PIGT: variants seen among roughly 807,000 people sequenced by gnomAD.
The protein encoded by PIGT is phosphatidylinositol glycan anchor biosynthesis class T, also known as GPI-anchor transamidase component PIGT.
In PIGT, 57 loss-of-function variants were observed where a neutral mutation model predicts 66.7. The observed-to-expected ratio is 0.86, with a 90% CI of 0.69 to 1.07. The LOEUF (loss-of-function observed/expected upper bound fraction) is 1.07, where lower values mean the gene tolerates loss of function less well. Ranked by LOEUF, PIGT falls within the 50% of genes least tolerant of loss-of-function variation. The pLI, the probability that PIGT is intolerant of heterozygous loss-of-function variation, is 0.00. For missense variants in PIGT, 725 were observed against 740.4 expected, an observed-to-expected ratio of 0.98 and a Z score of 0.24; for synonymous variants, 362 against 320.5, an observed-to-expected ratio of 1.13 and a Z score of -1.38.
chr20:45,419,923 C>T, intron 5 of PIGT: 1 of 605,296 alleles, frequency 1.7e-6, no homozygotes, highest in Non-Finnish European at 2.9e-6. Flanking sequence ...GTAGAATCCA[C>T]TCCTAGGGTT....
At chr20:45,424,440 A>C in intron 10 of PIGT, 56 bp from the exon 11 acceptor site, 1 of 1,612,800 alleles carries the variant, frequency 6.2e-7, no homozygotes, top group Middle Eastern at 1.7e-4. Flanking sequence ...TCTGCTGCTT[A>C]CCCCTTGATA....
At position 45,425,926 on chromosome 20, in the gene PIGT, C is replaced by T; in HGVS notation, c.*100C>T. 1.4e-6 allele frequency: 2 copies of T among 1,382,244 alleles called. No individual in the cohort carries two copies. The highest frequency in any genetic ancestry group is 1.9e-6 in the Non-Finnish European group (2 of 1,027,146). 85.6% of individuals were successfully genotyped at this position (1,382,244 alleles called of 1,614,324 possible). ...GCTCTCCTCAGAGTTGGCTTTTGAACCAAAGTGCCCTGGACCAGGTCAGGG... is the reference window on the plus strand; with the variant it reads ...GCTCTCCTCAGAGTTGGCTTTTGAATCAAAGTGCCCTGGACCAGGTCAGGG... On this transcript the variant is annotated 3_prime_UTR_variant, in exon 12 of 12. Transcript: ENST00000279036.
chr20:45,416,190 C>CTGT lies in PIGT; in HGVS notation c.37_39dup (p.Leu15dup). On this transcript the variant is annotated inframe_insertion, in exon 1 of 12. Coordinates refer to ENST00000279036, the MANE Select transcript of PIGT (RefSeq NM_015937.6). ...GGCTATGCCGCTTGCTCTGCTCGTCCTGTTGCTCCTGGGGCCCGGCGGCTG... is the reference window on the plus strand; with the variant it reads ...GGCTATGCCGCTTGCTCTGCTCGTCCTGTTGTTGCTCCTGGGGCCCGGCGGCTG... 30 of 1,587,366 alleles carry CTGT rather than the reference C, an allele frequency of 1.9e-5. No individual in the cohort carries two copies. Among genetic ancestry groups the CTGT allele is most frequent in the Non-Finnish European group, 2.6e-5 (30 of 1,168,078 alleles).
rs1479129399 is a variant in PIGT, at chr20:45,421,413, A to C, written c.1064A>C (p.Gln355Pro). 1 of 1,614,126 alleles carries C rather than the reference A, an allele frequency of 6.2e-7. No individual in the cohort carries two copies. The highest frequency in any genetic ancestry group is 8.5e-7 in the Non-Finnish European group (1 of 1,179,988). ...EAPPVPFLHA[Q>P]RYVSGYGLQK... ...CCCCCAGTGCCCTTCCTGCATGCCCAGCGGTACGTGAGTGGCTATGGGCTG... is the reference window on the plus strand; with the variant it reads ...CCCCCAGTGCCCTTCCTGCATGCCCCGCGGTACGTGAGTGGCTATGGGCTG... Residue 355 changes from glutamine to proline, a missense_variant, in exon 9 of 12, where the codon CAG (glutamine) becomes CCG (proline). By Grantham distance (76) the Gln-to-Pro change is moderately conservative. Coordinates refer to ENST00000279036, the MANE Select transcript of PIGT (RefSeq NM_015937.6).
intron 4 of PIGT, 41 bp from the exon 5 acceptor site, chr20:45,419,463 C>T (rs752531067): frequency 6.2e-7 from 1 of 1,611,962 alleles, no homozygotes; most frequent in Non-Finnish European, 8.5e-7. Context: ...ATGCCAAGTG[C>T]TCCATACAGG....
In PIGT at chr20:45,425,896, C is replaced by G; in HGVS notation, c.*70C>G. 6.5e-7 allele frequency: 1 copy of G among 1,543,792 alleles called. No homozygotes were observed. The highest frequency in any genetic ancestry group is 8.7e-7 in the Non-Finnish European group (1 of 1,143,138). On this transcript the variant is annotated 3_prime_UTR_variant, in exon 12 of 12. Transcript: ENST00000279036. ...AGGGGAGCCCAAGGGCTGTTTCTGC[C>G]ACTTGCTCTCCTCAGAGTTGGCTTT...
At chr20:45,422,239 T>C (rs1990409966) in intron 9 of PIGT, 2 of 152,110 alleles carry the variant, frequency 1.3e-5, no homozygotes, top group Admixed American at 1.3e-4. Context: ...CTTTAGTTGA[T>C]TCCTATATTT....
chr20:45,420,895 A>G, intron 8 of PIGT: 1 of 607,578 alleles, frequency 1.6e-6, no homozygotes, highest in Non-Finnish European at 3.0e-6. Context: ...CATCTGAAAA[A>G]TAGAGTATAC....
Position 45,425,707 on chromosome 20 carries a change from T to C in PIGT, c.1618T>C (p.Tyr540His), listed in dbSNP as rs150108897. ...CLTCTVVAVC[Y>H]GSFYNLLTRT... ...CACGTGCACTGTGGTGGCCGTGTGCTATGGCTCCTTCTACAATCTCCTCAC... is the reference window on the plus strand; with the variant it reads ...CACGTGCACTGTGGTGGCCGTGTGCCATGGCTCCTTCTACAATCTCCTCAC... Residue 540 changes from tyrosine (Y) to histidine (H), a missense_variant, in exon 12 of 12, where the codon TAT becomes CAT. Tyr to His is a moderately conservative substitution (Grantham distance 83). This residue lies in a region of PIGT where 162 missense variants were observed against 171.1 expected (regional missense o/e 0.95). Transcript: ENST00000279036. The C allele has an allele frequency of 6.2e-7, 1 of 1,614,050 alleles. No individual in the cohort carries two copies. The highest frequency in any genetic ancestry group is 1.3e-5 in the African/African-American group (1 of 74,938).
Position 45,416,550 on chromosome 20 carries a change from G to T in PIGT, c.221G>T (p.Gly74Val), listed in dbSNP as rs137946450. ...TACAGGCTCTTTCCCAAAGCCCTGG[G>T]GCAGCTGATCTCCAAGTATTCTCTA... is the stretch of plus-strand genomic sequence containing the variant. ...SHYRLFPKALGQLISKYSLRE... is the reference protein window; with the variant it reads ...SHYRLFPKALVQLISKYSLRE... The change falls in exon 2 of 12, where the codon GGG becomes GTG. Residue 74 changes from glycine (G) to valine (V), a missense_variant. Gly to Val is a moderately radical substitution (Grantham distance 109, BLOSUM62 -3). Coordinates refer to ENST00000279036, the MANE Select transcript of PIGT (RefSeq NM_015937.6). 194 of 1,614,052 alleles carry T rather than the reference G, an allele frequency of 1.2e-4. No homozygotes were observed. Among genetic ancestry groups the T allele is most frequent in the Non-Finnish European group, 1.6e-4 (192 of 1,180,010 alleles).
At chr20:45,419,009 T>A (rs1990167422) in intron 3 of PIGT, 30 bp downstream of exon 3, 3 of 1,613,626 alleles carry the variant, frequency 1.9e-6, no homozygotes, top group Non-Finnish European at 2.5e-6. Flanking sequence ...CCTTTCCTTC[T>A]TCCTCTTACC....
At chr20:45,422,939 G>A (rs929030145) in intron 9 of PIGT, 1 of 151,952 alleles carries the variant, frequency 6.6e-6, no homozygotes, top group African/African-American at 2.4e-5. Context: ...GGGCACAGTG[G>A]TGCACACCTG....
chr20:45,425,387 C>CA, intron 11 of PIGT, 187 bp from the exon 12 acceptor site: 1 of 498,158 alleles, frequency 2.0e-6, no homozygotes, highest in Non-Finnish European at 3.6e-6. Context: ...TCTCCCTCCC[C>CA]TTGCCCCCCG....
rs1377465991 is a variant in PIGT, at chr20:45,419,413, G to A, written c.594+18G>A. On this transcript the variant is annotated intron_variant, in intron 4 of 11. Transcript: ENST00000279036. The stretch of plus-strand genomic sequence containing the variant: ...GTTCCAAGGTGAGGCCGCAGAGCCT[G>A]GCAGCCGGGGGCGGGGGGTGTATAG... 5 of 1,575,918 alleles carry A rather than the reference G, an allele frequency of 3.2e-6. No individual in the cohort carries two copies. The highest frequency in any genetic ancestry group is 4.3e-6 in the Non-Finnish European group (5 of 1,161,772).
chr20:45,422,134 C>T (rs917936557), intron 9 of PIGT: 1 of 152,106 alleles, frequency 6.6e-6, no homozygotes, highest in Non-Finnish European at 1.5e-5. Context: ...ACTTGCCTTT[C>T]TTTGGTGTAG....
chr20:45,423,524 T>C (rs1440832631), intron 9 of PIGT: 1 of 151,940 alleles, frequency 6.6e-6, no homozygotes, highest in Non-Finnish European at 1.5e-5. Context: ...AAAAGTTTCT[T>C]TTTCTTTAAA....
chr20:45,421,419 A>T lies in PIGT; in HGVS notation c.1070A>T (p.Tyr357Phe). Reference sequence around the variant, plus strand: ...GTGCCCTTCCTGCATGCCCAGCGGTACGTGAGTGGCTATGGGCTGCAGAAG... The same window carrying T: ...GTGCCCTTCCTGCATGCCCAGCGGTTCGTGAGTGGCTATGGGCTGCAGAAG... ...PPVPFLHAQR[Y>F]VSGYGLQKGE... Residue 357 changes from tyrosine to phenylalanine, a missense_variant, in exon 9 of 12, where the codon TAC becomes TTC. Physicochemically the swap from Tyr to Phe is conservative, Grantham distance 22. This residue lies in a region of PIGT where 559 missense variants were observed against 552.7 expected (regional missense o/e 1.01). Transcript: ENST00000279036. 3 of 1,614,178 alleles carry T rather than the reference A, an allele frequency of 1.9e-6. No homozygotes were observed. Among genetic ancestry groups the T allele is most frequent in the Non-Finnish European group, 2.5e-6 (3 of 1,180,020 alleles).
chr20:45,416,366 G>A (rs1230596753), intron 1 of PIGT, 23 bp downstream of exon 1: 12 of 1,564,460 alleles, frequency 7.7e-6, no homozygotes, highest in African/African-American at 4.1e-5. Flanking sequence ...GATCTGACCA[G>A]GGAAAGATTT....
At chr20:45,420,082 G>A in intron 5 of PIGT, 54 bp from the exon 6 acceptor site, 1 of 1,262,956 alleles carries the variant, frequency 7.9e-7, no homozygotes, top group Non-Finnish European at 1.1e-6. Flanking sequence ...CTTTTTGGGG[G>A]CTGTGTGGTG....
Sources: gnomAD v4.1 joint callset for allele counts on GRCh38, gnomAD v4.1.1 for gene constraint, gnomAD v4.1.1 regional missense constraint, MANE v1.5 for transcripts, NCBI Gene and HGNC (gene_info 2026-07-23, HGNC 2026-07-21) for gene names.